GALNT7: variants seen among roughly 807,000 people sequenced by gnomAD.
GALNT7 encodes polypeptide N-acetylgalactosaminyltransferase 7.
Under a neutral mutation model 82.1 loss-of-function variants are expected in GALNT7, and 60 were observed. That is an observed-to-expected ratio of 0.73 (90% CI 0.59 to 0.91). The LOEUF (loss-of-function observed/expected upper bound fraction) is 0.91. Ranked by LOEUF, GALNT7 falls within the 40% of genes least tolerant of loss-of-function variation. GALNT7 has a pLI of 0.00. For missense variants in GALNT7, 660 were observed against 804.2 expected (o/e 0.82, Z 2.17); for synonymous variants, 243 against 275.1 (o/e 0.88, Z 1.15).
At chr4:173,211,378 A>G (rs992993397) in intron 1 of GALNT7, among the ~76,000 whole-genome samples, 7 of 152,334 alleles carry the variant, frequency 4.6e-5, no homozygotes, top group Middle Eastern at 3.4e-3. Flanking sequence ...ATTAAAAACC[A>G]CTAAGATGAT....
chr4:173,292,197 C>T lies in GALNT7; in HGVS notation c.677C>T (p.Thr226Ile). ...GAAGGATGGTCAACCCTCATGAGAA[C>T]AGTCCACAGTGTAATTAAAAGGACT... ...HNEGWSTLMRTVHSVIKRTPR... is the reference protein window; with the variant it reads ...HNEGWSTLMRIVHSVIKRTPR... The change falls in exon 3 of 12, where the codon ACA becomes ATA. Residue 226 changes from threonine to isoleucine, a missense_variant. This residue lies in a region of GALNT7 where 527 missense variants were observed against 683.5 expected (regional missense o/e 0.77). Coordinates refer to ENST00000265000, the MANE Select transcript of GALNT7 (RefSeq NM_017423.3). The surrounding 1 kb of genome is among the most constrained non-coding windows in gnomAD (Gnocchi z 4.8). 6.2e-7 allele frequency: 1 copy of T among 1,601,124 alleles called. No individual in the cohort carries two copies. Among genetic ancestry groups the T allele is most frequent in the Non-Finnish European group, 8.5e-7 (1 of 1,170,852 alleles).
chr4:173,178,050 T>TGCGCGCGC lies in GALNT7; in HGVS notation c.126+9090_126+9091insCGCGCGCG, dbSNP rs539639870. Among the ~76,000 whole-genome samples the TGCGCGCGC allele has an allele frequency of 6.8e-3, 797 of 117,588 alleles. 1 individual carries two copies. Among genetic ancestry groups the TGCGCGCGC allele is most frequent in the South Asian group, 0.023 (83 of 3,542 alleles). The allele number at this position is 117,588 out of a possible 152,430, so 77.1% of individuals were successfully genotyped here. On this transcript the variant is annotated intron_variant, in intron 1 of 11. Transcript: ENST00000265000. Reference sequence around the variant, plus strand: ...GTGTGTGTGTGTGTGTGTGTGTGTGTGTGCGCGCACGCGCGTGCGCACAGA... The same window carrying TGCGCGCGC: ...GTGTGTGTGTGTGTGTGTGTGTGTGTGCGCGCGCGTGCGCGCACGCGCGTGCGCACAGA...
intron 1 of GALNT7, among the ~76,000 whole-genome samples, chr4:173,172,242 G>C (rs1731901683): frequency 6.6e-6 from 1 of 152,202 alleles, no homozygotes; most frequent in Non-Finnish European, 1.5e-5. Flanking sequence ...TTCTTCCCTT[G>C]GGGTGGGCTG....
At chr4:173,188,192 A>G (rs2068121771) in intron 1 of GALNT7, among the ~76,000 whole-genome samples, 1 of 152,214 alleles carries the variant, frequency 6.6e-6, no homozygotes. Flanking sequence ...ATCTTCTGAC[A>G]TTTTACAGTT....
At chr4:173,312,480 G>C (rs1374325337) in intron 8 of GALNT7, among the ~76,000 whole-genome samples, 1 of 152,168 alleles carries the variant, frequency 6.6e-6, no homozygotes, top group African/African-American at 2.4e-5. Context: ...TTCTGTGAGA[G>C]CAAGAACTCA....
intron 1 of GALNT7, among the ~76,000 whole-genome samples, chr4:173,178,046 T>TGCGCGCGC (rs1198017327): frequency 2.8e-5 from 3 of 105,374 alleles, no homozygotes; most frequent in African/African-American, 1.2e-4. Context: ...TGTGTGTGTG[T>TGCGCGCGC]GTGTGTGCGC....
chr4:173,295,284 A>T, intron 3 of GALNT7, 112 bp from the exon 4 acceptor site: 1 of 711,360 alleles, frequency 1.4e-6, no homozygotes, highest in East Asian at 2.6e-5. Flanking sequence ...AATCTGGTCC[A>T]TGTAAAATTA....
intron 5 of GALNT7, 171 bp from the exon 6 acceptor site, chr4:173,297,944 A>G: frequency 2.0e-6 from 3 of 1,479,140 alleles, no homozygotes; most frequent in South Asian, 1.4e-5. Flanking sequence ...CACAAGGAAA[A>G]GGCCAAAAGA....
chr4:173,317,011 A>G (rs1202660430), intron 9 of GALNT7: 1 of 152,328 alleles, frequency 6.6e-6, no homozygotes, highest in East Asian at 1.9e-4. Context: ...ATGCAAGAAT[A>G]AAACATTTTA....
At chr4:173,178,095 T>C (rs1366616570) in intron 1 of GALNT7, among the ~76,000 whole-genome samples, 1 of 149,666 alleles carries the variant, frequency 6.7e-6, no homozygotes, top group African/African-American at 2.5e-5. Flanking sequence ...ATATATATTT[T>C]AGTTGTGATC....
At chr4:173,268,712 TG>T (rs1474206987) in intron 2 of GALNT7, among the ~76,000 whole-genome samples, 3 of 149,830 alleles carry the variant, frequency 2.0e-5, no homozygotes, top group Admixed American at 6.7e-5. Context: ...TTTTTTTTTT[TG>T]TATTTTTAGT....
At chr4:173,190,218 T>A (rs188942511) in intron 1 of GALNT7, among the ~76,000 whole-genome samples, 58 of 152,292 alleles carry the variant, frequency 3.8e-4, no homozygotes, top group Admixed American at 2.9e-3. Flanking sequence ...ATCTACGTGG[T>A]CTGAGATTTT....
intron 1 of GALNT7, among the ~76,000 whole-genome samples, chr4:173,184,381 G>A (rs930910096): frequency 6.6e-6 from 1 of 152,028 alleles, no homozygotes; most frequent in African/African-American, 2.4e-5. Context: ...CAGATCACTC[G>A]CGGTCAGGAG....
intron 1 of GALNT7, among the ~76,000 whole-genome samples, chr4:173,196,041 GA>G (rs1297200425): frequency 7.2e-5 from 11 of 151,800 alleles, no homozygotes; most frequent in Admixed American, 6.6e-5. Context: ...ATTAATAGGG[GA>G]AAAAAATCTA....
At chr4:173,297,432 G>A (rs553589764) in intron 5 of GALNT7, among the ~76,000 whole-genome samples, 2 of 152,128 alleles carry the variant, frequency 1.3e-5, no homozygotes, top group African/African-American at 2.4e-5. Flanking sequence ...ACACGCACAC[G>A]TGAGCTTTTT....
rs563290833 is a variant in GALNT7 at position 173,271,690 on chromosome 4, C to A, written c.588-20418C>A. On this transcript the variant is annotated intron_variant, in intron 2 of 11. Transcript: ENST00000265000. ...CAGGCTAGTCTCGAACTCCTAACCTCAGGTGATCCACCCACCTCAACCTCC... is the reference window on the plus strand; with the variant it reads ...CAGGCTAGTCTCGAACTCCTAACCTAAGGTGATCCACCCACCTCAACCTCC... Among the ~76,000 whole-genome samples the A allele has an allele frequency of 6.6e-5, 10 of 152,190 alleles. No individual in the cohort carries two copies. In the South Asian group the frequency reaches 1.9e-3, roughly 28 times the overall value.
rs2095350662 is a variant in GALNT7 at position 173,302,234 on chromosome 4, A to C, written c.1266+70A>C. The C allele has an allele frequency of 3.8e-6, 3 of 786,072 alleles. No individual in the cohort carries two copies. Among genetic ancestry groups the C allele is most frequent in the Non-Finnish European group, 4.5e-6 (2 of 441,426 alleles). The allele number at this position is 786,072 out of a possible 1,614,324, so 48.7% of individuals were successfully genotyped here. A position where few individuals can be genotyped will look rare whatever the true frequency, so the allele number is the denominator to read the frequency against. On this transcript the variant is annotated intron_variant, in intron 7 of 11. Coordinates refer to ENST00000265000, the MANE Select transcript of GALNT7 (RefSeq NM_017423.3). This position sits in a 1 kb window ranked among gnomAD's most constrained non-coding sequence, Gnocchi z 4.2. The stretch of plus-strand genomic sequence containing the variant: ...ACTTCTGTGGCTTTCAGATAAAGCT[A>C]GTTTTTTGTGGGGGAAAAAAGCCCA...
chr4:173,311,951 T>C (rs995300989), intron 8 of GALNT7, among the ~76,000 whole-genome samples: 1 of 152,224 alleles, frequency 6.6e-6, no homozygotes, highest in Non-Finnish European at 1.5e-5. Flanking sequence ...TTTTTGAATG[T>C]AAAACATGGG....
intron 3 of GALNT7, among the ~76,000 whole-genome samples, chr4:173,293,295 C>A (rs1157112118): frequency 1.3e-5 from 2 of 150,500 alleles, no homozygotes; most frequent in Non-Finnish European, 3.0e-5. Context: ...TTTTTTTTAT[C>A]TTTACTTCTT....
Sources: gnomAD v4.1 joint callset for allele counts (sites outside exome capture counted in the v4.1 genomes callset) on GRCh38, gnomAD v4.1.1 for gene constraint, gnomAD v4.1.1 regional missense constraint, Gnocchi (gnomAD v3.1) non-coding constraint, MANE v1.5 for transcripts, NCBI Gene and HGNC (gene_info 2026-07-23, HGNC 2026-07-21) for gene names.